RBMX: variants seen among roughly 807,000 people sequenced by gnomAD.
RBMX encodes the protein RNA binding motif protein X-linked.
A neutral mutation model predicts 29.3 loss-of-function variants in RBMX; 1 was observed. The observed-to-expected ratio is 0.03, with a 90% CI of 0.01 to 0.16. RBMX has a LOEUF of 0.16. Ranked by LOEUF, RBMX falls within the 10% of genes least tolerant of loss-of-function variation. The pLI is 1.00. For missense variants in RBMX, 121 were observed against 333.2 expected (o/e 0.36, Z 4.96); for synonymous variants, 102 against 102.3 (o/e 1.00, Z 0.02).
In RBMX at chrX:136,876,663, A is replaced by G. The variant is rs181515589; in HGVS notation, c.389-8T>C. 28 of 1,152,701 alleles carry G rather than the reference A, an allele frequency of 2.4e-5. No homozygotes were observed. The African/African-American group carries it at 4.1e-4, about 17-fold the overall frequency. 95.0% of individuals were successfully genotyped at this position (1,152,701 alleles called of 1,213,427 possible). On this transcript the variant is annotated splice_polypyrimidine_tract_variant and splice_region_variant and intron_variant, in intron 4 of 8. Transcript: ENST00000320676. ...TGGAATATCCACCGTCATCTGCATC[A>G]AAAATAGAAAAGAAAAATATTACTA...
At chrX:136,879,190 G>A (rs1200156997) in intron 2 of RBMX, 67 bp from the exon 3 acceptor site, 2 of 1,206,858 alleles carry the variant, frequency 1.7e-6, no homozygotes. Context: ...AAGTAAATGT[G>A]TAAACAGAAA....
chrX:136,871,792 G>A (rs1417918719), downstream of RBMX, among the ~76,000 whole-genome samples: 1 of 101,814 alleles, frequency 9.8e-6, no homozygotes, highest in African/African-American at 3.5e-5. Context: ...GATTACAGGC[G>A]CACACCACCA....
chrX:136,872,239 C>T (rs1043199013), downstream of RBMX: 28 of 1,072,616 alleles, frequency 2.6e-5, no homozygotes, highest in African/African-American at 5.0e-4. Flanking sequence ...ACATTTAAAC[C>T]TTCAAAGGCC....
chrX:136,871,235 G>C (rs1347847752), downstream of RBMX, among the ~76,000 whole-genome samples: 1 of 109,270 alleles, frequency 9.2e-6, no homozygotes, highest in East Asian at 2.9e-4. Context: ...CACAAGGTCA[G>C]GAGATCGAGA....
intron 1 of RBMX, among the ~76,000 whole-genome samples, chrX:136,879,949 C>G (rs987898740): frequency 1.8e-5 from 2 of 111,700 alleles, no homozygotes; most frequent in African/African-American, 6.5e-5. Context: ...TATGCCGCCC[C>G]TCTTCTTCAC....
chrX:136,877,819 G>T, intron 4 of RBMX, 96 bp downstream of exon 4: 1 of 872,537 alleles, frequency 1.1e-6, no homozygotes, highest in Non-Finnish European at 1.6e-6. Context: ...TCAAAAGTTG[G>T]CACCTTTCCT....
At chrX:136,871,822 T>G (rs909276575), downstream of RBMX, among the ~76,000 whole-genome samples, 8 of 102,586 alleles carry the variant, frequency 7.8e-5, no homozygotes, top group African/African-American at 2.8e-4. Context: ...TTTTTTTTTT[T>G]TTTTTTTTTT....
chrX:136,878,602 G>A (rs941956107), intron 3 of RBMX, among the ~76,000 whole-genome samples: 8 of 86,330 alleles, frequency 9.3e-5, no homozygotes, highest in South Asian at 7.8e-4. Context: ...AAAGTTAGCC[G>A]GGCGTGGTCG....
Position 136,873,571 on chromosome X carries a change from G to A in RBMX, c.*571C>T. The stretch of plus-strand genomic sequence containing the variant: ...GGTTCTTGCAGATTCCCAAGGAAAT[G>A]TCAGAAAGGCAAAATGGCCAGCATT... On this transcript the variant is annotated 3_prime_UTR_variant, in exon 9 of 9. Coordinates refer to ENST00000320676, the MANE Select transcript of RBMX (RefSeq NM_002139.4). 1 of 754,845 alleles carries A rather than the reference G, an allele frequency of 1.3e-6. No homozygotes were observed. Among genetic ancestry groups the A allele is most frequent in the Non-Finnish European group, 1.6e-6 (1 of 639,180 alleles). The allele number at this position is 754,845 out of a possible 1,213,427, so 62.2% of individuals were successfully genotyped here.
intron 1 of RBMX, among the ~76,000 whole-genome samples, chrX:136,879,693 G>A (rs1201770393): frequency 1.8e-5 from 2 of 111,803 alleles, no homozygotes; most frequent in Non-Finnish European, 3.8e-5. Flanking sequence ...CACTACCCTT[G>A]ATCACCCTTA....
intron 1 of RBMX, among the ~76,000 whole-genome samples, chrX:136,880,037 TA>T (rs761419128): frequency 8.9e-6 from 1 of 112,105 alleles, no homozygotes; most frequent in Non-Finnish European, 1.9e-5. Context: ...TGCTATTAAG[TA>T]ACGGAACGCG....
chrX:136,873,671 A>C lies in RBMX; in HGVS notation c.*471T>G. On this transcript the variant is annotated 3_prime_UTR_variant, in exon 9 of 9. Transcript: ENST00000320676. ...AGGCATGTGATTTCAGGTTTTTCGT[A>C]CTGAGAACATTGAGATTTCAGTTGG... The C allele has an allele frequency of 1.3e-6, 1 of 758,660 alleles. No individual in the cohort carries two copies. The highest frequency in any genetic ancestry group is 2.3e-5 in the African/African-American group (1 of 44,193). The allele number at this position is 758,660 out of a possible 1,213,427, so 62.5% of individuals were successfully genotyped here. A position where few individuals can be genotyped will look rare whatever the true frequency, so the allele number is the denominator to read the frequency against.
Position 136,878,023 on chromosome X carries a change from G to C in RBMX, c.280C>G (p.Arg94Gly), listed in dbSNP as rs777220832. The change falls in exon 4 of 9, where the codon CGT (arginine) becomes GGT (glycine). Residue 94 changes from arginine to glycine, a missense_variant. By Grantham distance (125) the Arg-to-Gly change is moderately radical. Transcript: ENST00000320676. ...CTTCTTGGAGGTGGAGGCGGTCCAC[G>C]TCTACCACTTTCAAATGATGGTTTG... The part of the protein sequence containing the change: ...ATKPSFESGR[R>G]GPPPPPRSRG... 1 of 1,207,207 alleles carries C rather than the reference G, an allele frequency of 8.3e-7. No homozygotes were observed. Among genetic ancestry groups the C allele is most frequent in the Non-Finnish European group, 1.1e-6 (1 of 893,655 alleles).
rs750130071 is a variant in RBMX at position 136,875,293 on chromosome X, G to A, written c.747C>T (p.Ser249=). 2 of 1,211,766 alleles carry A rather than the reference G, an allele frequency of 1.7e-6. No individual in the cohort carries two copies. Among genetic ancestry groups the A allele is most frequent in the East Asian group, 5.9e-5 (2 of 33,854 alleles). The change falls in exon 7 of 9, where the codon TCC becomes TCT. Residue 249 remains serine (S), a synonymous_variant. Transcript: ENST00000320676. ...RDYTYRDYGH[S]SSRDDYPSRG... ...TTGATGGATAGTCATCACGTGAACT[G>A]GAATGACCATAATCACGGTAAGTAT...
chrX:136,872,185 A>G (rs2077689359), downstream of RBMX: 3 of 779,711 alleles, frequency 3.8e-6, no homozygotes, highest in East Asian at 3.5e-5. Flanking sequence ...TGAGGACCAC[A>G]ATAACTTGCC....
intron 3 of RBMX, 22 bp from the exon 4 acceptor site, chrX:136,878,108 A>C: frequency 8.9e-7 from 1 of 1,126,742 alleles, no homozygotes; most frequent in Non-Finnish European, 1.2e-6. Flanking sequence ...GATACGATTA[A>C]ATTAAATCAA....
intron 1 of RBMX, among the ~76,000 whole-genome samples, chrX:136,880,396 G>A (rs2077786793): frequency 8.9e-6 from 1 of 112,515 alleles, no homozygotes; most frequent in African/African-American, 3.2e-5. Context: ...GCAGATGGCA[G>A]CCAAACTTTC....
chrX:136,873,059 A>T, downstream of RBMX: 2 of 110,634 alleles, frequency 1.8e-5, 1 homozygote, highest in Middle Eastern at 9.2e-3. Context: ...TAAAAAAAAA[A>T]AAAAAAAATC....
downstream of RBMX, chrX:136,872,233 T>G: frequency 9.5e-7 from 1 of 1,051,248 alleles, no homozygotes; most frequent in African/African-American, 1.9e-5. Context: ...TACACAACAT[T>G]TAAACCTTCA....
Sources: gnomAD v4.1 joint callset for allele counts (sites outside exome capture counted in the v4.1 genomes callset) on GRCh38, gnomAD v4.1.1 for gene constraint, MANE v1.5 for transcripts, NCBI Gene and HGNC (gene_info 2026-07-23, HGNC 2026-07-21) for gene names.